DZIP3: variants seen among roughly 807,000 people sequenced by gnomAD.
DZIP3 encodes E3 ubiquitin-protein ligase DZIP3.
In DZIP3, 118 loss-of-function variants were observed where a neutral mutation model predicts 162.0. That is an observed-to-expected ratio of 0.73 (90% CI 0.63 to 0.85). DZIP3 has a LOEUF of 0.85. DZIP3 is among the 40% of genes least tolerant of loss of function. DZIP3 has a pLI of 0.00. For synonymous variants in DZIP3, 438 were observed against 458.6 expected (o/e 0.96, Z 0.57); for missense variants, 1,331 against 1,407.0 (o/e 0.95, Z 0.86).
intron 23 of DZIP3, 32 bp downstream of exon 23, chr3:108,672,688 T>C: frequency 6.4e-7 from 1 of 1,556,960 alleles, no homozygotes; most frequent in Non-Finnish European, 8.8e-7. Context: ...GGGTATGGGG[T>C]GAGGGGAAAA....
Position 108,684,342 on chromosome 3 carries a change from G to T in DZIP3, c.3009+1G>T, listed in dbSNP as rs747135091. 6.2e-7 allele frequency: 1 copy of T among 1,607,124 alleles called. No individual in the cohort carries two copies. The highest frequency in any genetic ancestry group is 1.3e-5 in the African/African-American group (1 of 74,158). ...AACTGGCCAACCTAGAGCCCCCCTGGTAAAAGCTTTCTTGGTGGAATAGAT... is the reference window on the plus strand; with the variant it reads ...AACTGGCCAACCTAGAGCCCCCCTGTTAAAAGCTTTCTTGGTGGAATAGAT... On this transcript the variant is annotated splice_donor_variant, in intron 27 of 32. Coordinates refer to ENST00000361582, the MANE Select transcript of DZIP3 (RefSeq NM_014648.4). LOFTEE classifies it high-confidence loss of function.
intron 19 of DZIP3, among the ~76,000 whole-genome samples, chr3:108,661,223 T>C (rs1943413022): frequency 6.6e-6 from 1 of 152,136 alleles, no homozygotes; most frequent in African/African-American, 2.4e-5. Context: ...TAGCAAAGAC[T>C]TGGAACCAAC....
At chr3:108,673,307 C>G (rs1943991522) in intron 23 of DZIP3, among the ~76,000 whole-genome samples, 1 of 151,870 alleles carries the variant, frequency 6.6e-6, no homozygotes, top group Non-Finnish European at 1.5e-5. Flanking sequence ...AGTCAGCAAC[C>G]AAGAAGTAGT....
intron 19 of DZIP3, among the ~76,000 whole-genome samples, chr3:108,655,570 G>A (rs1943070327): frequency 6.6e-6 from 1 of 152,156 alleles, no homozygotes; most frequent in African/African-American, 2.4e-5. Context: ...CCCACCGTGA[G>A]CGATGCAGAA....
At chr3:108,678,271 T>C (rs535640986) in intron 26 of DZIP3, among the ~76,000 whole-genome samples, 1 of 152,018 alleles carries the variant, frequency 6.6e-6, no homozygotes, top group Admixed American at 6.6e-5. Context: ...TATATGATTA[T>C]TTTATTATAT....
chr3:108,658,313 A>C (rs1943242965), intron 19 of DZIP3, among the ~76,000 whole-genome samples: 1 of 152,260 alleles, frequency 6.6e-6, no homozygotes, highest in Non-Finnish European at 1.5e-5. Flanking sequence ...GTGCAATCAA[A>C]GTAGAACTCA....
chr3:108,605,765 C>T (rs1270704704), intron 2 of DZIP3, among the ~76,000 whole-genome samples: 1 of 152,164 alleles, frequency 6.6e-6, no homozygotes, highest in African/African-American at 2.4e-5. Context: ...TTGTCTGTGG[C>T]CTGGGGGCTG....
intron 28 of DZIP3, 142 bp from the exon 29 acceptor site, chr3:108,687,830 CTTTT>C: frequency 2.9e-6 from 3 of 1,033,468 alleles, no homozygotes; most frequent in Non-Finnish European, 4.2e-6. Flanking sequence ...CCTGTGATCA[CTTTT>C]TTAGATCAAA....
At chr3:108,664,042 A>G (rs542261792) in intron 21 of DZIP3, among the ~76,000 whole-genome samples, 1 of 152,336 alleles carries the variant, frequency 6.6e-6, no homozygotes, top group African/African-American at 2.4e-5. Flanking sequence ...CACCCTGGAT[A>G]TAGCACAACA....
chr3:108,660,822 A>G (rs548122026), intron 19 of DZIP3, among the ~76,000 whole-genome samples: 2 of 152,308 alleles, frequency 1.3e-5, no homozygotes, highest in South Asian at 4.1e-4. Context: ...CAGGTGGGCA[A>G]AGGATATGAA....
At chr3:108,613,042 T>A (rs971211597) in intron 4 of DZIP3, among the ~76,000 whole-genome samples, 1 of 152,142 alleles carries the variant, frequency 6.6e-6, no homozygotes. Flanking sequence ...TGTGTTTTAG[T>A]AAGTACCTAA....
chr3:108,688,441 T>C (rs1368115809), intron 29 of DZIP3, 152 bp from the exon 30 acceptor site: 2 of 842,594 alleles, frequency 2.4e-6, no homozygotes, highest in East Asian at 5.4e-5. Flanking sequence ...TCTGAGTATA[T>C]AAGTATTGCC....
intron 1 of DZIP3, among the ~76,000 whole-genome samples, chr3:108,595,204 T>TTTG (rs768745165): frequency 2.2e-4 from 34 of 151,864 alleles, no homozygotes; most frequent in South Asian, 4.2e-4. Context: ...TCTTTGTGAT[T>TTTG]TTGTTGTTGT....
Position 108,611,276 on chromosome 3 carries a change from G to T in DZIP3, c.205G>T (p.Val69Phe). ...NAINTLPKGV[V>F]PHIKKFLQED... ...AATTAATACTCTACCAAAAGGTGTG[G>T]TTCCTCACATTAAGAAGTTCTTACA... is the stretch of plus-strand genomic sequence containing the variant. The change falls in exon 4 of 33, where the codon GTT becomes TTT. Residue 69 changes from valine to phenylalanine, a missense_variant. Physicochemically the swap from Val to Phe is conservative, Grantham distance 50. Around this residue, in one of 2 missense-constraint regions of DZIP3, gnomAD observed 1,278 missense variants for 1,317.1 expected, o/e 0.97. Transcript: ENST00000361582. The T allele has an allele frequency of 6.2e-7, 1 of 1,612,698 alleles. No individual in the cohort carries two copies. Among genetic ancestry groups the T allele is most frequent in the Non-Finnish European group, 8.5e-7 (1 of 1,179,612 alleles).
At chr3:108,687,885 C>G in intron 28 of DZIP3, 91 bp from the exon 29 acceptor site, 1 of 1,534,678 alleles carries the variant, frequency 6.5e-7, no homozygotes, top group Admixed American at 1.7e-5. Flanking sequence ...ATCAATCATG[C>G]GATAGGATTT....
At chr3:108,609,871 A>G (rs1358545482) in intron 3 of DZIP3, among the ~76,000 whole-genome samples, 2 of 152,158 alleles carry the variant, frequency 1.3e-5, no homozygotes, top group African/African-American at 4.8e-5. Flanking sequence ...CTGTTGAAAA[A>G]TTTTTATTCA....
chr3:108,602,868 T>G (rs1275852796), intron 1 of DZIP3: 1 of 152,212 alleles, frequency 6.6e-6, no homozygotes, highest in Non-Finnish European at 1.5e-5. Flanking sequence ...TTGATGATTC[T>G]TTCTCCTGGA....
chr3:108,647,274 AC>A (rs1942667885), intron 15 of DZIP3, among the ~76,000 whole-genome samples: 1 of 152,002 alleles, frequency 6.6e-6, no homozygotes, highest in Non-Finnish European at 1.5e-5. Context: ...ATAGCTATAT[AC>A]TTTTTTTGCC....
At chr3:108,691,114 T>A (rs756653406) in intron 32 of DZIP3, 6 of 425,038 alleles carry the variant, frequency 1.4e-5, no homozygotes, top group African/African-American at 1.2e-4. Context: ...TTACACTATA[T>A]ATGCTCTTAG....
Sources: gnomAD v4.1 joint callset for allele counts (sites outside exome capture counted in the v4.1 genomes callset) on GRCh38, gnomAD v4.1.1 for gene constraint, gnomAD v4.1.1 regional missense constraint, MANE v1.5 for transcripts, NCBI Gene and HGNC (gene_info 2026-07-23, HGNC 2026-07-21) for gene names.